The following TMEM45B variants were observed in gnomAD, a reference collection of about 807,000 sequenced individuals.
TMEM45B encodes transmembrane protein 45B.
In TMEM45B, 29 loss-of-function variants were observed where a neutral mutation model predicts 27.3. That is an observed-to-expected ratio of 1.06 (90% CI 0.79 to 1.45). TMEM45B has a LOEUF of 1.45. TMEM45B is among the 40% of genes most tolerant of loss of function. The probability of loss-of-function intolerance (pLI) is 0.00; values close to 1 mark genes in which losing one functional copy is unlikely to be tolerated. For missense variants in TMEM45B, 348 were observed against 343.9 expected, an observed-to-expected ratio of 1.01 and a Z score of -0.09; for synonymous variants, 143 against 134.7, an observed-to-expected ratio of 1.06 and a Z score of -0.43.
intron 5 of TMEM45B, among the ~76,000 whole-genome samples, chr11:129,857,707 T>C (rs1255037188): frequency 6.6e-6 from 1 of 152,184 alleles, no homozygotes; most frequent in Admixed American, 6.5e-5. Flanking sequence ...CTCACAGATT[T>C]TAAGCCTATG....
chr11:129,833,372 T>A lies in TMEM45B; in HGVS notation c.-9+17474T>A, dbSNP rs141658264. Among the ~76,000 whole-genome samples, 11 of 152,268 alleles carry A rather than the reference T, an allele frequency of 7.2e-5. 1 individual carries two copies. The East Asian group carries it at 2.1e-3, about 29-fold the overall frequency. On this transcript the variant is annotated intron_variant, in intron 1 of 5. Transcript: ENST00000281441. Reference sequence around the variant, plus strand: ...AAGTGTATATGTTGAAGTCCTCACCTCCAGTGCCTCAGAATATGCCTGTGT... The same window carrying A: ...AAGTGTATATGTTGAAGTCCTCACCACCAGTGCCTCAGAATATGCCTGTGT...
At chr11:129,855,968 G>A in intron 4 of TMEM45B, 76 bp downstream of exon 4, 2 of 1,546,376 alleles carry the variant, frequency 1.3e-6, no homozygotes, top group South Asian at 1.2e-5. Flanking sequence ...AGAAATCCCT[G>A]ACGAGAATAT....
At chr11:129,848,426 T>C (rs1371417073) in intron 1 of TMEM45B, among the ~76,000 whole-genome samples, 1 of 152,102 alleles carries the variant, frequency 6.6e-6, no homozygotes, top group African/African-American at 2.4e-5. Context: ...GGCAGGAGAA[T>C]CAGGCAGGGA....
At chr11:129,825,974 G>A (rs1332071307) in intron 1 of TMEM45B, among the ~76,000 whole-genome samples, 2 of 86,450 alleles carry the variant, frequency 2.3e-5, no homozygotes, top group South Asian at 6.2e-4. Flanking sequence ...AGAAATATAT[G>A]TAAGGTTTTT....
intron 1 of TMEM45B, among the ~76,000 whole-genome samples, chr11:129,851,966 G>C (rs79779387): frequency 0.02 from 3,002 of 152,176 alleles, 91 homozygotes; most frequent in African/African-American, 0.068. Flanking sequence ...TAATTTGTTT[G>C]TATTATTTTG....
intron 1 of TMEM45B, among the ~76,000 whole-genome samples, chr11:129,833,135 G>A (rs1193981321): frequency 2.0e-5 from 3 of 152,178 alleles, no homozygotes; most frequent in East Asian, 3.9e-4. Flanking sequence ...AGCTACTTGG[G>A]AGGCTGAGGC....
At chr11:129,844,278 T>C (rs1947731411) in intron 1 of TMEM45B, among the ~76,000 whole-genome samples, 2 of 152,176 alleles carry the variant, frequency 1.3e-5, no homozygotes, top group African/African-American at 4.8e-5. Flanking sequence ...AGAATACCTG[T>C]TACCAGGGTT....
intron 1 of TMEM45B, among the ~76,000 whole-genome samples, chr11:129,824,180 G>A (rs1350992090): frequency 2.7e-5 from 4 of 149,398 alleles, no homozygotes; most frequent in African/African-American, 9.8e-5. Context: ...TCTATGGGAG[G>A]CTCTAGAACA....
At chr11:129,816,096 C>T (rs373227950) in intron 1 of TMEM45B, among the ~76,000 whole-genome samples, 198 bp downstream of exon 1, 28 of 152,110 alleles carry the variant, frequency 1.8e-4, no homozygotes, top group Admixed American at 1.4e-3. Flanking sequence ...GGATGGAGGG[C>T]CCTGGTGTCG....
intron 1 of TMEM45B, among the ~76,000 whole-genome samples, chr11:129,816,633 G>A (rs147484166): frequency 6.6e-6 from 1 of 151,872 alleles, no homozygotes; most frequent in African/African-American, 2.4e-5. Context: ...GAAGAAAGAT[G>A]TGAGTTTCAG....
intron 1 of TMEM45B, among the ~76,000 whole-genome samples, chr11:129,840,558 A>C (rs973576408): frequency 3.3e-5 from 5 of 152,200 alleles, no homozygotes; most frequent in African/African-American, 9.7e-5. Context: ...TTAAACAAAC[A>C]TGTAAATTTT....
At chr11:129,833,989 C>G (rs1441174641) in intron 1 of TMEM45B, among the ~76,000 whole-genome samples, 1 of 152,152 alleles carries the variant, frequency 6.6e-6, no homozygotes, top group Non-Finnish European at 1.5e-5. Flanking sequence ...TTACAGCAGC[C>G]CTGGCAACCA....
chr11:129,826,548 C>CACAA (rs765482228), intron 1 of TMEM45B, among the ~76,000 whole-genome samples: 5,212 of 17,714 alleles, frequency 0.29, 402 homozygotes, highest in Non-Finnish European at 0.36. Context: ...GACTCTGTCA[C>CACAA]AAAAAAAAAA....
chr11:129,816,975 T>C (rs1291780315), intron 1 of TMEM45B, among the ~76,000 whole-genome samples: 3 of 151,596 alleles, frequency 2.0e-5, no homozygotes, highest in Non-Finnish European at 4.4e-5. Flanking sequence ...CTCGATCTCC[T>C]GACCTCATGA....
At chr11:129,855,660 G>A (rs1947911493) in intron 3 of TMEM45B, 48 bp from the exon 4 acceptor site, 2 of 1,605,976 alleles carry the variant, frequency 1.2e-6, no homozygotes, top group Non-Finnish European at 1.7e-6. Context: ...CTTCGGTGAT[G>A]GTGAAAGCCA....
chr11:129,837,739 G>T (rs1947640848), intron 1 of TMEM45B, among the ~76,000 whole-genome samples: 1 of 145,150 alleles, frequency 6.9e-6, no homozygotes, highest in African/African-American at 2.5e-5. Context: ...TTTCTTTTTG[G>T]TAGAAATGGA....
intron 1 of TMEM45B, among the ~76,000 whole-genome samples, chr11:129,823,654 A>G (rs1412499509): frequency 6.6e-6 from 1 of 152,078 alleles, no homozygotes; most frequent in Non-Finnish European, 1.5e-5. Context: ...GGATGATGCT[A>G]CCTCATTCTC....
intron 1 of TMEM45B, among the ~76,000 whole-genome samples, chr11:129,846,766 A>G (rs908469605): frequency 1.3e-5 from 2 of 152,234 alleles, no homozygotes; most frequent in Non-Finnish European, 2.9e-5. Context: ...TTGTACATGC[A>G]GGAGTCACGG....
At chr11:129,829,964 G>C (rs546891835) in intron 1 of TMEM45B, among the ~76,000 whole-genome samples, 31 of 152,240 alleles carry the variant, frequency 2.0e-4, no homozygotes, top group African/African-American at 7.5e-4. Flanking sequence ...CAAATGGCTG[G>C]GACACTTGGA....
Sources: allele counts gnomAD v4.1 joint callset (sites outside exome capture counted in the v4.1 genomes callset), GRCh38; gene constraint gnomAD v4.1.1; transcripts MANE v1.5; gene names NCBI Gene and HGNC (gene_info 2026-07-23, HGNC 2026-07-21).